The following FREM2 variants were observed in gnomAD, a reference collection of about 807,000 sequenced individuals.
The protein encoded by FREM2 is FRAS1 related extracellular matrix 2, also known as FRAS1-related extracellular matrix protein 2.
FREM2 carries 119 observed loss-of-function variants against 219.9 expected under a neutral mutation model. The ratio of observed to expected loss-of-function variants is 0.54; its 90% CI spans 0.47 to 0.63. The LOEUF (loss-of-function observed/expected upper bound fraction) is 0.63. Among genes scored for constraint, FREM2 ranks in the 30% least tolerant of loss-of-function variants. The pLI is 0.00. For missense variants in FREM2, 4,030 were observed against 3,993.6 expected (o/e 1.01, Z -0.25); for synonymous variants, 1,562 against 1,522.8 (o/e 1.03, Z -0.60).
At chr13:38,756,204 T>A (rs1225786301) in intron 2 of FREM2, among the ~76,000 whole-genome samples, 1 of 152,240 alleles carries the variant, frequency 6.6e-6, no homozygotes, top group Non-Finnish European at 1.5e-5. Context: ...TTGATTTTAA[T>A]TATTCAGCGC....
intron 14 of FREM2, among the ~76,000 whole-genome samples, chr13:38,859,900 G>A (rs1877701957): frequency 6.7e-6 from 1 of 150,050 alleles, no homozygotes; most frequent in Non-Finnish European, 1.5e-5. Context: ...TCTAGACAGG[G>A]CACAGGAATG....
In FREM2 at chr13:38,739,579, CCTT is replaced by C. The variant is rs200146362; in HGVS notation, c.5264-24722_5264-24720del. On this transcript the variant is annotated intron_variant, in intron 2 of 23. Transcript: ENST00000280481. ...GAAAGTATGAGCTCACCCTGATCAT[CCTT>C]CTCTCTAAGACTCAACCAAACTCCC... Among the ~76,000 whole-genome samples, 847 of 152,274 alleles carry C rather than the reference CCTT, an allele frequency of 5.6e-3. 11 individuals are homozygous for C. The highest frequency in any genetic ancestry group is 0.019 in the African/African-American group (809 of 41,546).
intron 16 of FREM2, among the ~76,000 whole-genome samples, chr13:38,868,383 C>T (rs1375944623): frequency 6.6e-5 from 10 of 152,200 alleles, no homozygotes; most frequent in Non-Finnish European, 4.4e-5. Context: ...TCATTCTAGC[C>T]TCACAACAAC....
chr13:38,847,358 A>G (rs1028829481), intron 7 of FREM2, among the ~76,000 whole-genome samples: 1 of 152,144 alleles, frequency 6.6e-6, no homozygotes, highest in Non-Finnish European at 1.5e-5. Context: ...GAGAACACAC[A>G]TGCATGTCAT....
At chr13:38,697,602 T>A (rs1870163947) in intron 1 of FREM2, 96 bp from the exon 2 acceptor site, 7 of 752,582 alleles carry the variant, frequency 9.3e-6, no homozygotes, top group Non-Finnish European at 7.1e-6. Flanking sequence ...AATTTAAACA[T>A]GTTTATAGGA....
intron 2 of FREM2, among the ~76,000 whole-genome samples, chr13:38,751,787 G>A (rs1039746541): frequency 6.6e-6 from 1 of 151,482 alleles, no homozygotes; most frequent in Non-Finnish European, 1.5e-5. Flanking sequence ...AAATAAAACT[G>A]TACATTGTCT....
chr13:38,859,643 C>T, intron 14 of FREM2, 53 bp downstream of exon 14: 1 of 1,481,418 alleles, frequency 6.8e-7, no homozygotes, highest in South Asian at 1.2e-5. Context: ...TGCAATATTA[C>T]AAATGTCTAC....
At chr13:38,756,567 G>A (rs554265602) in intron 2 of FREM2, among the ~76,000 whole-genome samples, 85 of 127,950 alleles carry the variant, frequency 6.6e-4, no homozygotes, top group Admixed American at 1.1e-3. Flanking sequence ...TCACTCTGTC[G>A]CCCAGGATGG....
intron 2 of FREM2, among the ~76,000 whole-genome samples, chr13:38,716,715 C>T (rs139201933): frequency 1.3e-5 from 2 of 152,248 alleles, no homozygotes; most frequent in African/African-American, 4.8e-5. Context: ...ACCATGTTGG[C>T]CAGTCTAGTC....
At chr13:38,878,004 C>A in intron 21 of FREM2, 130 bp from the exon 22 acceptor site, 2 of 821,798 alleles carry the variant, frequency 2.4e-6, no homozygotes, top group Non-Finnish European at 2.0e-6. Flanking sequence ...AACAGGCCTT[C>A]AACATTTGAT....
chr13:38,775,695 C>G (rs1207226298), intron 4 of FREM2, among the ~76,000 whole-genome samples: 1 of 152,204 alleles, frequency 6.6e-6, no homozygotes, highest in African/African-American at 2.4e-5. Context: ...TCTTGGCTCA[C>G]TGCAGCCTCC....
chr13:38,748,308 A>T (rs1311627976), intron 2 of FREM2, among the ~76,000 whole-genome samples: 1 of 152,238 alleles, frequency 6.6e-6, no homozygotes, highest in African/African-American at 2.4e-5. Context: ...TAGGAAATGG[A>T]AATGACATGA....
Position 38,879,252 on chromosome 13 carries a change from A to G in FREM2, c.9006+275A>G, listed in dbSNP as rs571029585. Reference sequence around the variant, plus strand: ...TTTATTAATGTATTAATATTATTTTAAGACTATGTGTAATGAAGAGTCTTA... The same window carrying G: ...TTTATTAATGTATTAATATTATTTTGAGACTATGTGTAATGAAGAGTCTTA... On this transcript the variant is annotated intron_variant, in intron 23 of 23. Coordinates refer to ENST00000280481, the MANE Select transcript of FREM2 (RefSeq NM_207361.6). Among the ~76,000 whole-genome samples, 3 of 152,320 alleles carry G rather than the reference A, an allele frequency of 2.0e-5. No homozygotes were observed. In the East Asian group the frequency reaches 5.8e-4, roughly 29 times the overall value.
At chr13:38,721,490 C>T (rs567765090) in intron 2 of FREM2, among the ~76,000 whole-genome samples, 29 of 152,174 alleles carry the variant, frequency 1.9e-4, no homozygotes. Flanking sequence ...TCAGTGAGTG[C>T]ATTTGTTTTA....
chr13:38,881,260 A>C lies in FREM2; in HGVS notation c.*473A>C. The C allele has an allele frequency of 4.8e-6, 1 of 207,718 alleles. No individual in the cohort carries two copies. Among genetic ancestry groups the C allele is most frequent in the Non-Finnish European group, 9.8e-6 (1 of 102,070 alleles). The allele number at this position is 207,718 out of a possible 1,614,324, so 12.9% of individuals were successfully genotyped here. A position where few individuals can be genotyped will look rare whatever the true frequency, so the allele number is the denominator to read the frequency against. On this transcript the variant is annotated 3_prime_UTR_variant, in exon 24 of 24. Coordinates refer to ENST00000280481, the MANE Select transcript of FREM2 (RefSeq NM_207361.6). ...TGGAAAACTGGTGAACACACTGTTT[A>C]TTATGACAAGTTTTCAAATAGGTGA...
At chr13:38,761,828 C>A (rs564794681) in intron 2 of FREM2, among the ~76,000 whole-genome samples, 6 of 152,062 alleles carry the variant, frequency 3.9e-5, no homozygotes, top group Admixed American at 2.0e-4. Context: ...GTGAGGGTGG[C>A]AAATCCCAGG....
intron 4 of FREM2, among the ~76,000 whole-genome samples, chr13:38,781,835 G>A (rs1874129517): frequency 6.6e-6 from 1 of 152,304 alleles, no homozygotes; most frequent in Admixed American, 6.5e-5. Context: ...CCACCTCTAG[G>A]CACAGGACAG....
At chr13:38,844,467 G>A (rs1877076076) in intron 6 of FREM2, among the ~76,000 whole-genome samples, 1 of 152,134 alleles carries the variant, frequency 6.6e-6, no homozygotes, top group African/African-American at 2.4e-5. Context: ...TACACATTAA[G>A]CTATAAAGTA....
At chr13:38,767,170 C>T (rs185064276) in intron 3 of FREM2, among the ~76,000 whole-genome samples, 37 of 152,280 alleles carry the variant, frequency 2.4e-4, no homozygotes, top group African/African-American at 6.7e-4. Flanking sequence ...AACTTGCCTA[C>T]GATCCCACAA....
Sources: gnomAD v4.1 joint callset for allele counts (sites outside exome capture counted in the v4.1 genomes callset) on GRCh38, gnomAD v4.1.1 for gene constraint, MANE v1.5 for transcripts, NCBI Gene and HGNC (gene_info 2026-07-23, HGNC 2026-07-21) for gene names.